Variants in CRACD observed in about 807,000 individuals in gnomAD.
The protein encoded by CRACD is capping protein-inhibiting regulator of actin dynamics.
In CRACD, 56 loss-of-function variants were observed where a neutral mutation model predicts 106.8. The ratio of observed to expected loss-of-function variants is 0.52; its 90% CI spans 0.42 to 0.66. The LOEUF (loss-of-function observed/expected upper bound fraction) is 0.66, where lower values mean the gene tolerates loss of function less well. Among genes scored for constraint, CRACD ranks in the 30% least tolerant of loss-of-function variants. The pLI is 0.00. For synonymous variants in CRACD, 754 were observed against 670.8 expected (o/e 1.12, Z -1.92); for missense variants, 1,730 against 1,623.2 (o/e 1.07, Z -1.13).
At chr4:56,073,560 T>C (rs1732736205) in intron 1 of CRACD, among the ~76,000 whole-genome samples, 1 of 152,196 alleles carries the variant, frequency 6.6e-6, no homozygotes, top group Non-Finnish European at 1.5e-5. Context: ...GTTGTTTTTT[T>C]CTTGTAAATT....
At position 56,315,886 on chromosome 4, in the gene CRACD, T is replaced by C; in HGVS notation, c.2384T>C (p.Leu795Pro). 1.9e-6 allele frequency: 3 copies of C among 1,613,990 alleles called. No individual in the cohort carries two copies. The highest frequency in any genetic ancestry group is 2.5e-6 in the Non-Finnish European group (3 of 1,180,004). The change falls in exon 8 of 11, where the codon CTC becomes CCC. Residue 795 changes from leucine to proline, a missense_variant. Physicochemically the swap from Leu to Pro is moderately conservative, Grantham distance 98. Transcript: ENST00000682029. This position sits in a 1 kb window ranked among gnomAD's most constrained non-coding sequence, Gnocchi z 4.1. ...TTEGCKFAKD[L>P]PSFLVPSLPY... The stretch of plus-strand genomic sequence containing the variant: ...GAGGGATGCAAATTTGCCAAAGACC[T>C]CCCGTCTTTCCTTGTCCCAAGCCTT...
In CRACD at chr4:56,314,341, C is replaced by T; in HGVS notation, c.839C>T (p.Pro280Leu). 1 of 1,549,542 alleles carries T rather than the reference C, an allele frequency of 6.5e-7. No individual in the cohort carries two copies. The highest frequency in any genetic ancestry group is 8.7e-7 in the Non-Finnish European group (1 of 1,146,802). ...GAGGAGGGCGAGGGGCAGGAGCCGCCTCTAGAGGCGGAAAGGGCGCCGCGG... is the reference window on the plus strand; with the variant it reads ...GAGGAGGGCGAGGGGCAGGAGCCGCTTCTAGAGGCGGAAAGGGCGCCGCGG... Reference protein sequence around the residue: ...LEEEGEGQEPPLEAERAPREE... With the variant: ...LEEEGEGQEPLLEAERAPREE... Residue 280 changes from proline (P) to leucine (L), a missense_variant, in exon 8 of 11, where the codon CCT (proline) becomes CTT (leucine). Transcript: ENST00000682029. The surrounding 1 kb of genome is among the most constrained non-coding windows in gnomAD (Gnocchi z 4.4).
chr4:56,324,965 T>TA (rs1746334176), intron 10 of CRACD, among the ~76,000 whole-genome samples: 1 of 152,180 alleles, frequency 6.6e-6, no homozygotes, highest in African/African-American at 2.4e-5. Context: ...TTGTATGTAT[T>TA]AAAATGCCAC....
At position 56,314,939 on chromosome 4, in the gene CRACD, C is replaced by T. The variant is rs1336842056; in HGVS notation, c.1437C>T (p.Pro479=). 1.9e-6 allele frequency: 3 copies of T among 1,598,430 alleles called. No homozygotes were observed. The highest frequency in any genetic ancestry group is 1.8e-5 in the Admixed American group (1 of 56,442). ...GDFQGADRPG[P]EEKREEGDTE... is the part of the protein sequence containing the mutation. ...TCCAGGGGGCCGATCGTCCTGGGCC[C>T]GAGGAAAAGAGAGAAGAAGGGGACA... Residue 479 remains proline, a synonymous_variant, in exon 8 of 11, where the codon CCC becomes CCT. Transcript: ENST00000682029. This position sits in a 1 kb window ranked among gnomAD's most constrained non-coding sequence, Gnocchi z 4.4.
chr4:56,220,392 A>G (rs1738965231), intron 2 of CRACD, among the ~76,000 whole-genome samples: 1 of 152,178 alleles, frequency 6.6e-6, no homozygotes, highest in African/African-American at 2.4e-5. Flanking sequence ...TCACTAGGAT[A>G]TGAGACAGTG....
chr4:56,159,570 T>C (rs1271147083), intron 1 of CRACD, among the ~76,000 whole-genome samples: 2 of 152,046 alleles, frequency 1.3e-5, no homozygotes, highest in Non-Finnish European at 2.9e-5. Context: ...GAGAATGGCA[T>C]GAACCCAGGA....
intron 1 of CRACD, among the ~76,000 whole-genome samples, chr4:56,060,223 G>A (rs974468600): frequency 5.3e-5 from 8 of 151,848 alleles, no homozygotes; most frequent in Non-Finnish European, 1.0e-4. Flanking sequence ...TTTCCTTCTC[G>A]CCTCCCTACT....
At chr4:56,240,230 C>T (rs570645388) in intron 2 of CRACD, among the ~76,000 whole-genome samples, 2 of 151,824 alleles carry the variant, frequency 1.3e-5, no homozygotes, top group South Asian at 2.1e-4. Context: ...TCAAGGAGGA[C>T]GTGGACAAAA....
intron 3 of CRACD, among the ~76,000 whole-genome samples, chr4:56,288,244 T>C (rs2109692484): frequency 6.6e-6 from 1 of 152,292 alleles, no homozygotes; most frequent in Middle Eastern, 3.4e-3. Flanking sequence ...TTTAAAAAAT[T>C]CCATTTTTAT....
Position 56,316,086 on chromosome 4 carries a change from C to G in CRACD, c.2584C>G (p.Gln862Glu), listed in dbSNP as rs1158831246. ...CTATTCCTTGCGCTTCAACTGCGAC[C>G]AACAGGCAGAACAGAAGAAGAAGAA... Reference protein sequence around the residue: ...TNYSLRFNCDQQAEQKKKKRH... With the variant: ...TNYSLRFNCDEQAEQKKKKRH... Residue 862 changes from glutamine to glutamate, a missense_variant, in exon 8 of 11, where the codon CAA (glutamine) becomes GAA (glutamate). Transcript: ENST00000682029. The G allele has an allele frequency of 6.2e-7, 1 of 1,614,158 alleles. No individual in the cohort carries two copies. Among genetic ancestry groups the G allele is most frequent in the Admixed American group, 1.7e-5 (1 of 60,034 alleles).
intron 1 of CRACD, among the ~76,000 whole-genome samples, chr4:56,149,481 T>C (rs374237329): frequency 3.9e-5 from 6 of 152,360 alleles, no homozygotes; most frequent in Admixed American, 6.5e-5. Context: ...ATTCAGTTCC[T>C]TTTAAATATT....
At chr4:56,139,950 T>A (rs1436250843) in intron 1 of CRACD, among the ~76,000 whole-genome samples, 1 of 152,162 alleles carries the variant, frequency 6.6e-6, no homozygotes, top group Non-Finnish European at 1.5e-5. Flanking sequence ...ATAGATACAA[T>A]TTGGTATTTA....
At chr4:56,323,616 C>A in intron 9 of CRACD, 49 bp downstream of exon 9, 1 of 1,456,970 alleles carries the variant, frequency 6.9e-7, no homozygotes, top group Non-Finnish European at 9.1e-7. Context: ...GAGCTTGGTT[C>A]TCTTTTCAGT....
Position 56,253,791 on chromosome 4 carries a change from G to A in CRACD, c.-188-18530G>A, listed in dbSNP as rs142688487. On this transcript the variant is annotated intron_variant, in intron 2 of 10. Transcript: ENST00000682029. ...GCTGTCTTTGAGGACTTTGGACAGT[G>A]AAGGGTTGCATAGCTAACACGTGCA... Among the ~76,000 whole-genome samples, 941 of 152,298 alleles carry A rather than the reference G, an allele frequency of 6.2e-3. 12 individuals are homozygous for A. Among genetic ancestry groups the A allele is most frequent in the Middle Eastern group, 0.017 (5 of 294 alleles).
intron 1 of CRACD, among the ~76,000 whole-genome samples, chr4:56,175,736 G>C (rs1444754634): frequency 2.0e-5 from 3 of 152,064 alleles, no homozygotes; most frequent in Non-Finnish European, 2.9e-5. Context: ...CATTCTGTTG[G>C]TTTTCTCTTC....
At chr4:56,185,454 A>G (rs527396103) in intron 2 of CRACD, among the ~76,000 whole-genome samples, 4 of 152,278 alleles carry the variant, frequency 2.6e-5, no homozygotes, top group African/African-American at 9.6e-5. Flanking sequence ...ATATAAATCA[A>G]ATTGTACAAT....
chr4:56,230,623 G>A (rs28479764), intron 2 of CRACD, among the ~76,000 whole-genome samples: 67,681 of 151,990 alleles, frequency 0.45, 15,734 homozygotes, highest in Non-Finnish European at 0.51. Flanking sequence ...GTTTCTGAAA[G>A]ATTCTTGGCA....
chr4:56,277,039 T>G (rs990900898), intron 3 of CRACD, among the ~76,000 whole-genome samples: 1 of 152,092 alleles, frequency 6.6e-6, no homozygotes, highest in South Asian at 2.1e-4. Context: ...ATGGAGTAGC[T>G]GAGAGGGAAG....
chr4:56,221,999 A>G (rs574156984), intron 2 of CRACD, among the ~76,000 whole-genome samples: 2 of 152,328 alleles, frequency 1.3e-5, no homozygotes, highest in South Asian at 2.1e-4. Context: ...TAAAGAACTA[A>G]AAGTAGATAT....
Sources: allele counts gnomAD v4.1 joint callset (sites outside exome capture counted in the v4.1 genomes callset), GRCh38; gene constraint gnomAD v4.1.1; non-coding constraint Gnocchi (gnomAD v3.1); transcripts MANE v1.5; gene names NCBI Gene and HGNC (gene_info 2026-07-23, HGNC 2026-07-21).